The following GPD2 variants were observed in gnomAD, a reference collection of about 807,000 sequenced individuals.
The protein encoded by GPD2 is glycerol-3-phosphate dehydrogenase, mitochondrial.
Under a neutral mutation model 82.4 loss-of-function variants are expected in GPD2, and 54 were observed. The ratio of observed to expected loss-of-function variants is 0.66; its 90% CI spans 0.53 to 0.82. The LOEUF is 0.82. GPD2 is among the 40% of genes least tolerant of loss of function. The probability of loss-of-function intolerance (pLI) is 0.00; values close to 1 mark genes in which losing one functional copy is unlikely to be tolerated. For synonymous variants in GPD2, 288 were observed against 306.1 expected, an observed-to-expected ratio of 0.94 and a Z score of 0.62; for missense variants, 748 against 896.2, an observed-to-expected ratio of 0.83 and a Z score of 2.11.
At chr2:156,400,474 C>T in the GPD2 span, among the ~76,000 whole-genome samples, 1 of 152,192 alleles carries the variant, frequency 6.6e-6, no homozygotes, top group African/African-American at 2.4e-5. Flanking sequence ...CCGGGAGTCC[C>T]GCCGCTGTGG....
At chr2:156,498,502 C>T (rs1033993918) in intron 3 of GPD2, among the ~76,000 whole-genome samples, 6 of 152,020 alleles carry the variant, frequency 3.9e-5, no homozygotes, top group African/African-American at 4.8e-5. Context: ...GGAGGAACAG[C>T]GTGGAATCAG....
rs549370653 is a variant in GPD2, at chr2:156,508,571, G to C, written c.275-2225G>C. On this transcript the variant is annotated intron_variant, in intron 3 of 16. Coordinates refer to ENST00000438166, the MANE Select transcript of GPD2 (RefSeq NM_000408.5). ...GAAGCTGTGGGCTGTGGGGGAGGCT[G>C]CTTGTCCTCTCTCAACCTTGTTTCC... is the stretch of plus-strand genomic sequence containing the variant. Among the ~76,000 whole-genome samples, 9 of 152,274 alleles carry C rather than the reference G, an allele frequency of 5.9e-5. No homozygotes were observed. The East Asian group carries it at 1.7e-3, about 30-fold the overall frequency.
intron 1 of GPD2, among the ~76,000 whole-genome samples, chr2:156,445,383 C>T (rs917530862): frequency 6.6e-6 from 1 of 152,200 alleles, no homozygotes; most frequent in Non-Finnish European, 1.5e-5. Context: ...ACTTTTGCAA[C>T]ATTGTATTCC....
chr2:156,561,042 T>TTTTTTTC (rs1687151968), intron 9 of GPD2, among the ~76,000 whole-genome samples: 1 of 108,616 alleles, frequency 9.2e-6, no homozygotes, highest in Non-Finnish European at 1.9e-5. Context: ...ACATTAAGCT[T>TTTTTTTC]TTTTTTTTTT....
chr2:156,418,337 C>T, the GPD2 span, among the ~76,000 whole-genome samples: 1 of 151,784 alleles, frequency 6.6e-6, no homozygotes. Flanking sequence ...TTGCAGTGAG[C>T]CAAGATCGCG....
intron 1 of GPD2, among the ~76,000 whole-genome samples, chr2:156,453,894 CAAAAA>C (rs1183343234): frequency 3.3e-5 from 5 of 151,826 alleles, no homozygotes; most frequent in Middle Eastern, 3.4e-3. Context: ...AAAAACAAAA[CAAAAA>C]AGAAAACTGC....
chr2:156,521,373 A>G (rs1218891407), intron 6 of GPD2, among the ~76,000 whole-genome samples: 2 of 152,224 alleles, frequency 1.3e-5, no homozygotes, highest in African/African-American at 4.8e-5. Flanking sequence ...TACAAACTTA[A>G]CTGCACTTTG....
At chr2:156,555,225 A>T (rs987783885) in intron 8 of GPD2, among the ~76,000 whole-genome samples, 2 of 152,170 alleles carry the variant, frequency 1.3e-5, no homozygotes, top group African/African-American at 4.8e-5. Flanking sequence ...TGTTAATTTT[A>T]TGTTTGTCAC....
intron 6 of GPD2, among the ~76,000 whole-genome samples, chr2:156,526,091 G>T (rs1485182177): frequency 2.0e-5 from 3 of 151,972 alleles, no homozygotes; most frequent in Non-Finnish European, 4.4e-5. Flanking sequence ...AAGTATAAGA[G>T]GCCACAAAAT....
chr2:156,558,390 A>G (rs1687040978), intron 9 of GPD2, among the ~76,000 whole-genome samples: 1 of 152,052 alleles, frequency 6.6e-6, no homozygotes. Flanking sequence ...CATCTGTGCC[A>G]TTTCTCACTT....
intron 2 of GPD2, 120 bp downstream of exon 2, chr2:156,476,327 G>T (rs543975569): frequency 1.4e-6 from 1 of 710,856 alleles, no homozygotes; most frequent in South Asian, 1.5e-5. Context: ...TTCTCAGTTT[G>T]ATCTGAAAGA....
chr2:156,511,316 A>G (rs888169081), intron 4 of GPD2, among the ~76,000 whole-genome samples: 1 of 152,228 alleles, frequency 6.6e-6, no homozygotes, highest in African/African-American at 2.4e-5. Flanking sequence ...TCATAGGCTC[A>G]TATTGTCACT....
At chr2:156,401,176 C>T in the GPD2 span, among the ~76,000 whole-genome samples, 2 of 152,158 alleles carry the variant, frequency 1.3e-5, no homozygotes, top group African/African-American at 2.4e-5. Flanking sequence ...ACCCGGGCCT[C>T]CCGCGTGGCA....
intron 1 of GPD2, among the ~76,000 whole-genome samples, chr2:156,470,392 T>C (rs1343709473): frequency 1.3e-5 from 2 of 151,974 alleles, no homozygotes; most frequent in African/African-American, 4.8e-5. Flanking sequence ...AGAGATGGAG[T>C]CTTGCTTTGT....
intron 6 of GPD2, among the ~76,000 whole-genome samples, chr2:156,517,198 T>G (rs1301809020): frequency 6.6e-6 from 1 of 152,212 alleles, no homozygotes; most frequent in East Asian, 1.9e-4. Context: ...CCTCAAGTGA[T>G]CCTCCCGCCT....
chr2:156,549,348 A>T (rs892337466), intron 6 of GPD2, among the ~76,000 whole-genome samples: 1 of 152,220 alleles, frequency 6.6e-6, no homozygotes. Flanking sequence ...TAACTTTCAG[A>T]TAATTGATGT....
intron 1 of GPD2, among the ~76,000 whole-genome samples, chr2:156,442,933 C>T (rs894289715): frequency 3.9e-5 from 6 of 152,186 alleles, no homozygotes; most frequent in African/African-American, 9.7e-5. Context: ...TATTTGATCA[C>T]GTTCTAAATA....
chr2:156,549,327 T>A (rs997670980), intron 6 of GPD2, among the ~76,000 whole-genome samples: 6 of 152,234 alleles, frequency 3.9e-5, no homozygotes, highest in Non-Finnish European at 8.8e-5. Context: ...AGAGAATAAT[T>A]ACTTATTTCT....
chr2:156,536,341 A>G (rs768098793), intron 6 of GPD2, among the ~76,000 whole-genome samples: 5 of 152,212 alleles, frequency 3.3e-5, no homozygotes, highest in Non-Finnish European at 5.9e-5. Flanking sequence ...AGGTGAGTAG[A>G]CTATTATAGT....
Sources: allele counts gnomAD v4.1 joint callset (sites outside exome capture counted in the v4.1 genomes callset), GRCh38; gene constraint gnomAD v4.1.1; transcripts MANE v1.5; gene names NCBI Gene and HGNC (gene_info 2026-07-23, HGNC 2026-07-21).